Variants in NTN1 observed in about 807,000 individuals in gnomAD.
The protein encoded by NTN1 is netrin 1, also known as netrin-1.
A neutral mutation model predicts 54.2 loss-of-function variants in NTN1; 11 were observed. The ratio of observed to expected loss-of-function variants is 0.20; its 90% confidence interval spans 0.13 to 0.34. NTN1 has a LOEUF of 0.34. Ranked by LOEUF, NTN1 falls within the 10% of genes least tolerant of loss-of-function variation. NTN1 has a pLI of 1.00. For missense variants in NTN1, 740 were observed against 893.1 expected, an observed-to-expected ratio of 0.83 and a Z score of 2.18; for synonymous variants, 371 against 382.0, an observed-to-expected ratio of 0.97 and a Z score of 0.33.
rs1660887296 is a variant in NTN1, at chr17:9,243,799, C to CAATGCATACTAATATATTATGGTTATTAT, written c.*3833_*3861dup. 1 of 148,820 alleles carries CAATGCATACTAATATATTATGGTTATTAT rather than the reference C, an allele frequency of 6.7e-6. No individual in the cohort carries two copies. Among genetic ancestry groups the CAATGCATACTAATATATTATGGTTATTAT allele is most frequent in the Non-Finnish European group, 1.5e-5 (1 of 67,742 alleles). The allele number at this position is 148,820 out of a possible 1,614,324, so 9.2% of individuals were successfully genotyped here. A position where few individuals can be genotyped will look rare whatever the true frequency, so the allele number is the denominator to read the frequency against. ...TATTGTTTGGGTCAATGTCCCTTTC[C>CAATGCATACTAATATATTATGGTTATTAT]AATGCATACTAATATATTATGGTTA... is the stretch of plus-strand genomic sequence containing the variant. On this transcript the variant is annotated 3_prime_UTR_variant, in exon 7 of 7. Coordinates refer to ENST00000173229, the MANE Select transcript of NTN1 (RefSeq NM_004822.3).
chr17:9,048,097 G>A (rs577305259), intron 2 of NTN1, among the ~76,000 whole-genome samples: 1 of 152,310 alleles, frequency 6.6e-6, no homozygotes, highest in African/African-American at 2.4e-5. Flanking sequence ...CATCTGTGCA[G>A]CTATAGCCTT....
chr17:9,222,254 T>C (rs1048637419), intron 6 of NTN1, among the ~76,000 whole-genome samples: 1 of 152,230 alleles, frequency 6.6e-6, no homozygotes, highest in Non-Finnish European at 1.5e-5. Flanking sequence ...TCACTCCAGC[T>C]GGACATAGCC....
chr17:9,130,471 TCA>T (rs1235766054), intron 2 of NTN1, among the ~76,000 whole-genome samples: 5 of 152,098 alleles, frequency 3.3e-5, no homozygotes, highest in African/African-American at 1.2e-4. Context: ...CTGCAGGAGT[TCA>T]CAGTCTTCTT....
At chr17:9,064,134 C>A (rs1309080199) in intron 2 of NTN1, among the ~76,000 whole-genome samples, 1 of 152,094 alleles carries the variant, frequency 6.6e-6, no homozygotes, top group East Asian at 1.9e-4. Flanking sequence ...ACCAAACATT[C>A]CATGGGGAGG....
chr17:9,018,314 T>C (rs530689837), upstream of NTN1, among the ~76,000 whole-genome samples: 2 of 152,270 alleles, frequency 1.3e-5, no homozygotes, highest in Admixed American at 1.3e-4. Context: ...TCAAACTTAC[T>C]GCCATGCAAG....
chr17:9,028,582 C>A (rs2091878911), intron 2 of NTN1, among the ~76,000 whole-genome samples: 1 of 152,210 alleles, frequency 6.6e-6, no homozygotes, highest in Non-Finnish European at 1.5e-5. Flanking sequence ...CTATTTGAGA[C>A]TTTATGTCCA....
intron 2 of NTN1, among the ~76,000 whole-genome samples, chr17:9,114,166 A>ATATATATATATATATATATATAT (rs59456522): frequency 5.4e-4 from 40 of 74,560 alleles, no homozygotes; most frequent in Non-Finnish European, 8.7e-4. Context: ...AAAAAAAAAA[A>ATATATATATATATATATATATAT]ATATATATAT....
intron 2 of NTN1, among the ~76,000 whole-genome samples, chr17:9,129,915 C>T (rs561715593): frequency 2.6e-5 from 4 of 152,298 alleles, no homozygotes; most frequent in South Asian, 4.1e-4. Context: ...CTGAAAGCTG[C>T]GAGTTCACCA....
the NTN1 span, among the ~76,000 whole-genome samples, chr17:9,006,535 C>T: frequency 2.0e-5 from 3 of 152,144 alleles, no homozygotes; most frequent in African/African-American, 7.2e-5. Context: ...TGTGTGTGCA[C>T]ATCACAGATT....
intron 3 of NTN1, among the ~76,000 whole-genome samples, chr17:9,168,390 G>C (rs1333013185): frequency 2.0e-5 from 3 of 152,142 alleles, no homozygotes; most frequent in Admixed American, 2.0e-4. Context: ...AAATTAGCCG[G>C]GCGCAGTGGC....
chr17:9,177,084 A>G (rs1172823522), intron 3 of NTN1: 3 of 152,436 alleles, frequency 2.0e-5, no homozygotes, highest in Non-Finnish European at 1.5e-5. Context: ...TGGTGGGGAA[A>G]CACAAGTCAG....
intron 2 of NTN1, among the ~76,000 whole-genome samples, chr17:9,152,320 A>G (rs1385526342): frequency 6.6e-6 from 1 of 152,028 alleles, no homozygotes; most frequent in African/African-American, 2.4e-5. Flanking sequence ...CCCAAAGGTA[A>G]ACTCCTTTTT....
chr17:9,209,425 C>A (rs1418569582), intron 5 of NTN1, among the ~76,000 whole-genome samples: 2 of 152,230 alleles, frequency 1.3e-5, no homozygotes, highest in African/African-American at 4.8e-5. Context: ...CAGAGCGGAC[C>A]TGTCAGACTC....
At position 9,221,386 on chromosome 17, in the gene NTN1, G is replaced by A. The variant is rs537708064; in HGVS notation, c.1486+144G>A. 1.4e-4 allele frequency: 96 copies of A among 677,970 alleles called. No individual in the cohort carries two copies. Among genetic ancestry groups the A allele is most frequent in the Admixed American group, 1.4e-3 (61 of 43,620 alleles). The allele number at this position is 677,970 out of a possible 1,614,324, so 42.0% of individuals were successfully genotyped here. On this transcript the variant is annotated intron_variant, in intron 6 of 6. Transcript: ENST00000173229. This position sits in a 1 kb window ranked among gnomAD's most constrained non-coding sequence, Gnocchi z 4.5. Reference sequence around the variant, plus strand: ...TGGGAACTAGCCGGACGGATCCCACGCCTGGGAATTTCTCATCTTTTCCTC... The same window carrying A: ...TGGGAACTAGCCGGACGGATCCCACACCTGGGAATTTCTCATCTTTTCCTC...
chr17:9,088,865 T>C (rs761056418), intron 2 of NTN1, among the ~76,000 whole-genome samples: 15 of 152,270 alleles, frequency 9.9e-5, no homozygotes, highest in Non-Finnish European at 1.8e-4. Flanking sequence ...CTCTCCGGGT[T>C]CCTTGTGGCC....
rs751621945 is a variant in NTN1, at chr17:9,221,908, G to A, written c.1486+666G>A. 1.3e-5 allele frequency among the ~76,000 whole-genome samples: 2 copies of A among 152,160 alleles called. No homozygotes were observed. Among genetic ancestry groups the A allele is most frequent in the African/African-American group, 2.4e-5 (1 of 41,430 alleles). ...ATGGTCTGGGAGCCTGCAGGAGGAG[G>A]GCCCCGCAGTGGCCAGCGGGCAGGT... is the stretch of plus-strand genomic sequence containing the variant. On this transcript the variant is annotated intron_variant, in intron 6 of 6. Coordinates refer to ENST00000173229, the MANE Select transcript of NTN1 (RefSeq NM_004822.3). The surrounding 1 kb of genome is among the most constrained non-coding windows in gnomAD (Gnocchi z 4.5).
chr17:9,237,140 C>T (rs1224985501), intron 6 of NTN1, among the ~76,000 whole-genome samples: 2 of 152,176 alleles, frequency 1.3e-5, no homozygotes, highest in Non-Finnish European at 2.9e-5. Flanking sequence ...AACAAAGTAC[C>T]ACAGACCGAG....
At chr17:9,003,103 C>A in the NTN1 span, among the ~76,000 whole-genome samples, 1 of 152,122 alleles carries the variant, frequency 6.6e-6, no homozygotes, top group Non-Finnish European at 1.5e-5. The surrounding 1 kb of genome is among the most constrained non-coding windows in gnomAD (Gnocchi z 7.4). Context: ...GAACGGGAGC[C>A]GCGGAGAGCT....
intron 2 of NTN1, among the ~76,000 whole-genome samples, chr17:9,144,575 T>C (rs1323658712): frequency 2.0e-5 from 3 of 152,164 alleles, no homozygotes; most frequent in African/African-American, 7.2e-5. Context: ...GCTGAGTGTT[T>C]TATGGGCCTT....
Sources: allele counts gnomAD v4.1 joint callset (sites outside exome capture counted in the v4.1 genomes callset), GRCh38; gene constraint gnomAD v4.1.1; non-coding constraint Gnocchi (gnomAD v3.1); transcripts MANE v1.5; gene names NCBI Gene and HGNC (gene_info 2026-07-23, HGNC 2026-07-21).